The following ERI3 variants were observed in gnomAD, a reference collection of about 807,000 sequenced individuals.
ERI3 encodes the protein ERI1 exoribonuclease family member 3.
ERI3 carries 18 observed loss-of-function variants against 44.4 expected under a neutral mutation model. That is an observed-to-expected ratio of 0.41 (90% CI 0.28 to 0.60). The LOEUF is 0.60. Ranked by LOEUF, ERI3 falls within the 20% of genes least tolerant of loss-of-function variation. ERI3 has a pLI of 0.36. For missense variants in ERI3, 294 were observed against 435.5 expected, an observed-to-expected ratio of 0.68 and a Z score of 2.89; for synonymous variants, 183 against 164.8, an observed-to-expected ratio of 1.11 and a Z score of -0.84.
intron 3 of ERI3, among the ~76,000 whole-genome samples, chr1:44,330,574 AT>A (rs1225756946): frequency 6.6e-6 from 1 of 152,202 alleles, no homozygotes; most frequent in Non-Finnish European, 1.5e-5. Flanking sequence ...AGGAGCATCA[AT>A]ACATATAAAC....
chr1:44,323,793 CACTT>C (rs767571768), intron 3 of ERI3, among the ~76,000 whole-genome samples: 24 of 152,348 alleles, frequency 1.6e-4, no homozygotes, highest in Non-Finnish European at 2.6e-4. Context: ...CACTTGCTGA[CACTT>C]ACACTGCTTG....
chr1:44,287,960 T>C (rs562950201), intron 6 of ERI3, among the ~76,000 whole-genome samples: 45 of 152,346 alleles, frequency 3.0e-4, no homozygotes, highest in Non-Finnish European at 5.1e-4. Context: ...ATTCTTTTAG[T>C]TGACACAGGC....
At chr1:44,239,638 TG>T (rs977329407) in intron 8 of ERI3, among the ~76,000 whole-genome samples, 25 of 152,304 alleles carry the variant, frequency 1.6e-4, no homozygotes, top group African/African-American at 6.0e-4. Context: ...ATGTTCCCTC[TG>T]GGGCCCAAGG....
chr1:44,221,361 T>G lies in ERI3; in HGVS notation c.*197A>C. 1.7e-6 allele frequency: 1 copy of G among 573,466 alleles called. No individual in the cohort carries two copies. Among genetic ancestry groups the G allele is most frequent in the Admixed American group, 3.2e-5 (1 of 31,550 alleles). The allele number at this position is 573,466 out of a possible 1,614,324, so 35.5% of individuals were successfully genotyped here. Reference sequence around the variant, plus strand: ...GGGTGGGGATGGGGGGCACAAAGTGTCTGCTCCAGAAGGGCCAAGTGGCCA... The same window carrying G: ...GGGTGGGGATGGGGGGCACAAAGTGGCTGCTCCAGAAGGGCCAAGTGGCCA... On this transcript the variant is annotated 3_prime_UTR_variant, in exon 9 of 9. Transcript: ENST00000372257. The surrounding 1 kb of genome is among the most constrained non-coding windows in gnomAD (Gnocchi z 5.9).
intron 8 of ERI3, among the ~76,000 whole-genome samples, chr1:44,247,269 T>C (rs1185154787): frequency 6.6e-6 from 1 of 151,972 alleles, no homozygotes; most frequent in Non-Finnish European, 1.5e-5. Flanking sequence ...TACAGACAGA[T>C]AACATATTCA....
At chr1:44,251,649 AG>A (rs1644682201) in intron 7 of ERI3, among the ~76,000 whole-genome samples, 2 of 152,184 alleles carry the variant, frequency 1.3e-5, no homozygotes, top group Non-Finnish European at 2.9e-5. Context: ...GACAGGTGGC[AG>A]GGGAGTACAA....
intron 3 of ERI3, among the ~76,000 whole-genome samples, chr1:44,335,292 G>A (rs1275669286): frequency 6.6e-6 from 1 of 151,876 alleles, no homozygotes; most frequent in East Asian, 1.9e-4. Flanking sequence ...GAAGGTTGAG[G>A]CTGCACTGAG....
At chr1:44,322,383 CAA>C (rs973509299) in intron 3 of ERI3, among the ~76,000 whole-genome samples, 48 of 112,524 alleles carry the variant, frequency 4.3e-4, no homozygotes, top group Admixed American at 4.7e-4. Flanking sequence ...CGGATCCACG[CAA>C]AAAAAAAAAA....
chr1:44,311,626 T>A (rs1055817540), intron 5 of ERI3, among the ~76,000 whole-genome samples: 3 of 151,592 alleles, frequency 2.0e-5, no homozygotes, highest in Non-Finnish European at 2.9e-5. Flanking sequence ...CAAGACCACA[T>A]CTCCTCCTCG....
At chr1:44,267,704 G>A (rs887757864) in intron 7 of ERI3, among the ~76,000 whole-genome samples, 2 of 152,232 alleles carry the variant, frequency 1.3e-5, no homozygotes, top group Non-Finnish European at 1.5e-5. Context: ...TAGGTGCCAA[G>A]CCCAGGCCTA....
At chr1:44,242,055 A>T (rs1644450212) in intron 8 of ERI3, 4 of 985,506 alleles carry the variant, frequency 4.1e-6, no homozygotes, top group Non-Finnish European at 4.8e-6. Context: ...CTCCCCAGGC[A>T]CTATCCAGGC....
chr1:44,322,796 G>C (rs1351100229), intron 3 of ERI3: 12 of 1,550,140 alleles, frequency 7.7e-6, no homozygotes, highest in South Asian at 7.1e-5. Context: ...CAGCCCAGTA[G>C]TGGGAGAGGT....
chr1:44,227,383 G>T (rs78472464), intron 8 of ERI3, among the ~76,000 whole-genome samples: 2 of 152,046 alleles, frequency 1.3e-5, no homozygotes, highest in African/African-American at 4.8e-5. Flanking sequence ...GACACAGCAG[G>T]ATCCTTGGGT....
chr1:44,245,534 A>G (rs542346422), intron 8 of ERI3, among the ~76,000 whole-genome samples: 12 of 152,298 alleles, frequency 7.9e-5, no homozygotes, highest in African/African-American at 2.9e-4. Flanking sequence ...TCCTTCATCT[A>G]AGGTCACAGG....
chr1:44,294,708 T>C (rs1052117261), intron 6 of ERI3, among the ~76,000 whole-genome samples: 3 of 152,210 alleles, frequency 2.0e-5, no homozygotes, highest in Non-Finnish European at 4.4e-5. Flanking sequence ...GCTGAGCAAG[T>C]GATGGGAGGT....
rs3054072 is a variant in ERI3 at position 44,272,841 on chromosome 1, A to AAAAATAAAATAAAATAAAAT, written c.831+11974_831+11993dup. On this transcript the variant is annotated intron_variant, in intron 7 of 8. Coordinates refer to ENST00000372257, the MANE Select transcript of ERI3 (RefSeq NM_024066.3). Reference sequence around the variant, plus strand: ...GGTGACAGAGCAAGAGACTGTCTCAAAAAATAAAATAAAATAAAATAAAAT... The same window carrying AAAAATAAAATAAAATAAAAT: ...GGTGACAGAGCAAGAGACTGTCTCAAAAAATAAAATAAAATAAAATAAAATAAAATAAAATAAAATAAAAT... Among the ~76,000 whole-genome samples, 745 of 146,628 alleles carry AAAAATAAAATAAAATAAAAT rather than the reference A, an allele frequency of 5.1e-3. 3 individuals are homozygous for AAAAATAAAATAAAATAAAAT. Among genetic ancestry groups the AAAAATAAAATAAAATAAAAT allele is most frequent in the African/African-American group, 0.017 (668 of 39,228 alleles).
intron 6 of ERI3, among the ~76,000 whole-genome samples, chr1:44,288,807 G>A (rs1283320080): frequency 2.6e-5 from 4 of 152,034 alleles, no homozygotes; most frequent in South Asian, 2.1e-4. Flanking sequence ...GCCTAAGGTC[G>A]GTGGGTATCA....
At chr1:44,258,087 T>C (rs1229259447) in intron 7 of ERI3, among the ~76,000 whole-genome samples, 2 of 152,198 alleles carry the variant, frequency 1.3e-5, no homozygotes, top group Non-Finnish European at 2.9e-5. Flanking sequence ...AGAACCAGTC[T>C]GCAAAGCAGA....
intron 3 of ERI3, among the ~76,000 whole-genome samples, chr1:44,320,458 G>C (rs1557849176): frequency 6.6e-6 from 1 of 152,152 alleles, no homozygotes; most frequent in Non-Finnish European, 1.5e-5. Flanking sequence ...ATTTAATAGA[G>C]ATGCACAGCA....
Sources: allele counts gnomAD v4.1 joint callset (sites outside exome capture counted in the v4.1 genomes callset), GRCh38; gene constraint gnomAD v4.1.1; non-coding constraint Gnocchi (gnomAD v3.1); transcripts MANE v1.5; gene names NCBI Gene and HGNC (gene_info 2026-07-23, HGNC 2026-07-21).